MAP3K5: variants seen among roughly 807,000 people sequenced by gnomAD.
The protein encoded by MAP3K5 is mitogen-activated protein kinase kinase kinase 5.
Under a neutral mutation model 158.7 loss-of-function variants are expected in MAP3K5, and 56 were observed. That is an observed-to-expected ratio of 0.35 (90% CI 0.28 to 0.44). The LOEUF (loss-of-function observed/expected upper bound fraction) is 0.44. MAP3K5 is among the 20% of genes least tolerant of loss of function. The pLI is 1.00. For missense variants in MAP3K5, 1,294 were observed against 1,674.8 expected (o/e 0.77, Z 3.97); for synonymous variants, 579 against 601.7 (o/e 0.96, Z 0.55).
intron 24 of MAP3K5, 41 bp from the exon 25 acceptor site, chr6:136,580,447 T>C (rs1774819224): frequency 7.9e-7 from 1 of 1,262,494 alleles, no homozygotes. Context: ...AATTTTTAAT[T>C]GCAAATAGCC....
chr6:136,626,128 G>A (rs1019424152), intron 14 of MAP3K5, among the ~76,000 whole-genome samples: 18 of 152,310 alleles, frequency 1.2e-4, no homozygotes, highest in African/African-American at 4.1e-4. Context: ...CGCATGACTC[G>A]AGAGGATGGG....
intron 17 of MAP3K5, 78 bp from the exon 18 acceptor site, chr6:136,611,465 T>TAA (rs892391153): frequency 1.1e-4 from 63 of 588,250 alleles, no homozygotes; most frequent in South Asian, 3.1e-4. Context: ...AAGTCCAATT[T>TAA]AAAAAAAAAA....
At chr6:136,788,566 A>G (rs891041020) in intron 1 of MAP3K5, among the ~76,000 whole-genome samples, 38 of 152,346 alleles carry the variant, frequency 2.5e-4, no homozygotes, top group African/African-American at 9.1e-4. Context: ...AACAACAAAT[A>G]ACCCCGTTAA....
At chr6:136,567,955 C>G (rs1240153008) in intron 25 of MAP3K5, 81 bp from the exon 26 acceptor site, 1 of 1,418,926 alleles carries the variant, frequency 7.0e-7, no homozygotes, top group Non-Finnish European at 9.6e-7. Flanking sequence ...TGCTACCCTC[C>G]TGCCCCACCG....
At chr6:136,603,497 C>T in intron 19 of MAP3K5, among the ~76,000 whole-genome samples, 1 of 151,860 alleles carries the variant, frequency 6.6e-6, no homozygotes, top group Non-Finnish European at 1.5e-5. Flanking sequence ...TATTTTTATC[C>T]TTATTTTATA....
chr6:136,560,127 T>G (rs927715533), intron 28 of MAP3K5, among the ~76,000 whole-genome samples: 2 of 152,226 alleles, frequency 1.3e-5, no homozygotes, highest in African/African-American at 4.8e-5. Flanking sequence ...TACAATGTTT[T>G]AATGTATGCC....
chr6:136,745,819 G>A (rs1483748824), intron 1 of MAP3K5, among the ~76,000 whole-genome samples: 1 of 152,016 alleles, frequency 6.6e-6, no homozygotes, highest in African/African-American at 2.4e-5. Flanking sequence ...GTCTTTTTTG[G>A]TAGCAAGAAA....
chr6:136,594,197 A>G (rs1775520162), intron 21 of MAP3K5, among the ~76,000 whole-genome samples: 1 of 152,240 alleles, frequency 6.6e-6, no homozygotes, highest in Non-Finnish European at 1.5e-5. Flanking sequence ...GTTTCCACAT[A>G]TTCTGGAGCA....
At chr6:136,699,693 T>A (rs888640160) in intron 3 of MAP3K5, among the ~76,000 whole-genome samples, 8 of 152,122 alleles carry the variant, frequency 5.3e-5, no homozygotes, top group African/African-American at 1.7e-4. Flanking sequence ...AGTAAGCAAA[T>A]CTGACTGGAG....
intron 15 of MAP3K5, among the ~76,000 whole-genome samples, chr6:136,618,258 C>A (rs762770436): frequency 6.6e-6 from 1 of 152,230 alleles, no homozygotes; most frequent in Non-Finnish European, 1.5e-5. Context: ...AGAACGTCCA[C>A]ACCCCTCCAG....
At chr6:136,673,248 G>A (rs1779561331) in intron 7 of MAP3K5, among the ~76,000 whole-genome samples, 1 of 152,160 alleles carries the variant, frequency 6.6e-6, no homozygotes, top group Admixed American at 6.5e-5. Context: ...ATTTGTTGAA[G>A]TAATCAGCTT....
chr6:136,586,904 G>T (rs1477587589), intron 23 of MAP3K5, among the ~76,000 whole-genome samples: 4 of 152,190 alleles, frequency 2.6e-5, no homozygotes, highest in African/African-American at 9.7e-5. Flanking sequence ...TCAAATATTA[G>T]ATTCCAAGTT....
chr6:136,791,660 T>C, intron 1 of MAP3K5, 50 bp downstream of exon 1: 2 of 1,587,848 alleles, frequency 1.3e-6, no homozygotes, highest in Non-Finnish European at 1.7e-6. Flanking sequence ...GACCGCCAGA[T>C]TAAACGCGGG....
At chr6:136,757,495 TTCTA>T (rs1174270427) in intron 1 of MAP3K5, among the ~76,000 whole-genome samples, 9 of 152,162 alleles carry the variant, frequency 5.9e-5, no homozygotes, top group Admixed American at 5.9e-4. Flanking sequence ...CAAGATTCCT[TTCTA>T]TTACTGTGTT....
Position 136,628,800 on chromosome 6 carries a change from G to T in MAP3K5, c.2017-5819C>A, listed in dbSNP as rs371460402. On this transcript the variant is annotated intron_variant, in intron 14 of 29. Coordinates refer to ENST00000359015, the MANE Select transcript of MAP3K5 (RefSeq NM_005923.4). Reference sequence around the variant, plus strand: ...AAAACCATCTCTGTGGGTAATTGCTGCTTTGTTTTTCTATCTCCCCTTTCT... The same window carrying T: ...AAAACCATCTCTGTGGGTAATTGCTTCTTTGTTTTTCTATCTCCCCTTTCT... Among the ~76,000 whole-genome samples, 11 of 152,266 alleles carry T rather than the reference G, an allele frequency of 7.2e-5. No homozygotes were observed. The East Asian group carries it at 2.1e-3, about 29-fold the overall frequency.
In MAP3K5 at chr6:136,656,398, T is replaced by C; in HGVS notation, c.1589A>G (p.Glu530Gly). ...IYKHFVKLTT[E>G]QPVAKQELVD... ...AAGTTCTTGCTTGGCCACAGGCTGT[T>C]CTGTGGTCAGTTTCACAAAATGCTT... Residue 530 changes from glutamate to glycine, a missense_variant, in exon 10 of 30, where the codon GAA becomes GGA. By Grantham distance (98) the Glu-to-Gly change is moderately conservative. Coordinates refer to ENST00000359015, the MANE Select transcript of MAP3K5 (RefSeq NM_005923.4). The C allele has an allele frequency of 6.2e-7, 1 of 1,610,422 alleles. No individual in the cohort carries two copies. The highest frequency in any genetic ancestry group is 8.5e-7 in the Non-Finnish European group (1 of 1,177,908).
At chr6:136,614,426 C>G in intron 15 of MAP3K5, 140 bp from the exon 16 acceptor site, 1 of 853,018 alleles carries the variant, frequency 1.2e-6, no homozygotes, top group Non-Finnish European at 1.8e-6. Context: ...CTTTATTTCT[C>G]CTAAGGTAAA....
intron 7 of MAP3K5, among the ~76,000 whole-genome samples, chr6:136,676,085 C>T (rs1779691209): frequency 6.6e-6 from 1 of 152,182 alleles, no homozygotes; most frequent in South Asian, 2.1e-4. Flanking sequence ...TATCTGTTAA[C>T]AGAATTTATA....
At chr6:136,770,695 C>T (rs934987805) in intron 1 of MAP3K5, among the ~76,000 whole-genome samples, 6 of 152,064 alleles carry the variant, frequency 3.9e-5, no homozygotes, top group African/African-American at 7.2e-5. Context: ...AATTCGAGGC[C>T]GCAGTGAGCT....
Sources: allele counts gnomAD v4.1 joint callset (sites outside exome capture counted in the v4.1 genomes callset), GRCh38; gene constraint gnomAD v4.1.1; transcripts MANE v1.5; gene names NCBI Gene and HGNC (gene_info 2026-07-23, HGNC 2026-07-21).